HECW1: variants seen among roughly 807,000 people sequenced by gnomAD.
HECW1 encodes E3 ubiquitin-protein ligase HECW1.
Under a neutral mutation model 182.3 loss-of-function variants are expected in HECW1, and 61 were observed. The ratio of observed to expected loss-of-function variants is 0.33; its 90% CI spans 0.27 to 0.41. The LOEUF is 0.41. Ranked by LOEUF, HECW1 falls within the 10% of genes least tolerant of loss-of-function variation. The probability of loss-of-function intolerance (pLI) is 1.00; values close to 1 mark genes in which losing one functional copy is unlikely to be tolerated. For missense variants in HECW1, 1,739 were observed against 2,108.9 expected (o/e 0.82, Z 3.44); for synonymous variants, 859 against 832.6 (o/e 1.03, Z -0.55).
At chr7:43,234,410 G>A (rs980637074) in intron 2 of HECW1, among the ~76,000 whole-genome samples, 4 of 152,154 alleles carry the variant, frequency 2.6e-5, no homozygotes, top group African/African-American at 7.2e-5. Flanking sequence ...AACACAACCC[G>A]GCCCCTTGTG....
chr7:43,143,913 C>A (rs1385759857), intron 2 of HECW1, among the ~76,000 whole-genome samples: 3 of 152,178 alleles, frequency 2.0e-5, no homozygotes, highest in African/African-American at 7.2e-5. Context: ...TAACTCATAA[C>A]CTTCCTGGTC....
At chr7:43,204,350 A>G (rs1007939535) in intron 2 of HECW1, among the ~76,000 whole-genome samples, 6 of 152,212 alleles carry the variant, frequency 3.9e-5, no homozygotes, top group African/African-American at 1.4e-4. Flanking sequence ...TTTGTTCAAG[A>G]AACCCTAAGT....
chr7:43,441,438 A>G (rs973099791), intron 9 of HECW1, among the ~76,000 whole-genome samples: 18 of 152,206 alleles, frequency 1.2e-4, no homozygotes, highest in Non-Finnish European at 2.2e-4. Context: ...CTTAGACATT[A>G]CATATATACC....
intron 6 of HECW1, among the ~76,000 whole-genome samples, chr7:43,377,606 A>T (rs1478375779): frequency 6.6e-6 from 1 of 152,162 alleles, no homozygotes; most frequent in Non-Finnish European, 1.5e-5. Flanking sequence ...AAAAATTAGA[A>T]TCAAATCCTT....
intron 3 of HECW1, among the ~76,000 whole-genome samples, chr7:43,296,311 T>G (rs1431539888): frequency 6.6e-6 from 1 of 152,230 alleles, no homozygotes. Context: ...TTCTGTATTT[T>G]TCAAATTTTT....
intron 7 of HECW1, among the ~76,000 whole-genome samples, 189 bp downstream of exon 7, chr7:43,397,078 G>A (rs1329517502): frequency 6.6e-6 from 1 of 152,198 alleles, no homozygotes; most frequent in African/African-American, 2.4e-5. Context: ...ATAATAGAGA[G>A]TTTAGGAAGT....
intron 12 of HECW1, among the ~76,000 whole-genome samples, chr7:43,454,095 T>G (rs540861521): frequency 6.6e-6 from 1 of 152,302 alleles, no homozygotes; most frequent in African/African-American, 2.4e-5. Context: ...GATGATAAAT[T>G]ATCATTATTG....
At chr7:43,266,905 G>A (rs542807908) in intron 3 of HECW1, among the ~76,000 whole-genome samples, 1 of 152,242 alleles carries the variant, frequency 6.6e-6, no homozygotes, top group South Asian at 2.1e-4. Flanking sequence ...GATTTGAGGA[G>A]GAGAAGTGTT....
intron 2 of HECW1, among the ~76,000 whole-genome samples, chr7:43,135,507 TG>T (rs1787427776): frequency 6.6e-6 from 1 of 152,212 alleles, no homozygotes; most frequent in Non-Finnish European, 1.5e-5. Flanking sequence ...TGTCCATCTC[TG>T]GACTTCTTGC....
At chr7:43,483,324 G>A (rs1002930737) in intron 17 of HECW1, among the ~76,000 whole-genome samples, 11 of 151,912 alleles carry the variant, frequency 7.2e-5, no homozygotes, top group Admixed American at 5.2e-4. Flanking sequence ...TTTTTTTCCT[G>A]ACCCCATCCA....
At chr7:43,526,738 C>T (rs187378461) in intron 24 of HECW1, among the ~76,000 whole-genome samples, 162 of 152,302 alleles carry the variant, frequency 1.1e-3, no homozygotes, top group Admixed American at 1.7e-3. Flanking sequence ...CAGTGGCTCA[C>T]GCCTGTAATC....
chr7:43,144,966 G>A (rs975864902), intron 2 of HECW1, among the ~76,000 whole-genome samples: 2 of 151,944 alleles, frequency 1.3e-5, no homozygotes, highest in African/African-American at 2.4e-5. Context: ...ACAAATCAGT[G>A]GATAATTATA....
chr7:43,378,417 C>T (rs1393746908), intron 6 of HECW1, among the ~76,000 whole-genome samples: 1 of 152,238 alleles, frequency 6.6e-6, no homozygotes, highest in Non-Finnish European at 1.5e-5. Flanking sequence ...CTAGAACAAT[C>T]ATGTGGTTTA....
At chr7:43,319,512 G>A (rs1809790289) in intron 4 of HECW1, among the ~76,000 whole-genome samples, 1 of 148,994 alleles carries the variant, frequency 6.7e-6, no homozygotes, top group Non-Finnish European at 1.5e-5. Context: ...CTCCCTCAGT[G>A]CTCTCCTGAC....
intron 6 of HECW1, among the ~76,000 whole-genome samples, chr7:43,370,888 CTTTT>C (rs779010532): frequency 3.0e-5 from 4 of 135,400 alleles, no homozygotes; most frequent in Admixed American, 7.4e-5. Flanking sequence ...CAATGATATT[CTTTT>C]TTTTTTTTTT....
chr7:43,454,330 G>C (rs1047080797), intron 12 of HECW1, among the ~76,000 whole-genome samples: 8 of 152,106 alleles, frequency 5.3e-5, no homozygotes, highest in Non-Finnish European at 1.0e-4. Flanking sequence ...TTTTTTGTTG[G>C]ATGACAGTCA....
chr7:43,252,625 G>A (rs1800155960), intron 3 of HECW1, among the ~76,000 whole-genome samples: 1 of 152,196 alleles, frequency 6.6e-6, no homozygotes, highest in East Asian at 1.9e-4. Flanking sequence ...CCAATGTACA[G>A]ATGTCATTTG....
rs950767605 is a variant in HECW1 at position 43,246,085 on chromosome 7, C to T, written c.27+2153C>T. On this transcript the variant is annotated intron_variant, in intron 3 of 29. Coordinates refer to ENST00000395891, the MANE Select transcript of HECW1 (RefSeq NM_015052.5). ...AGGCTAAGGCAGGAGGATCACTTGA[C>T]GCCACGAGTATGAGACCAGCCCGAG... Among the ~76,000 whole-genome samples, 17 of 151,818 alleles carry T rather than the reference C, an allele frequency of 1.1e-4. 1 individual carries two copies. In the South Asian group the frequency reaches 2.9e-3, roughly 26 times the overall value.
intron 2 of HECW1, among the ~76,000 whole-genome samples, chr7:43,200,489 G>A (rs931015031): frequency 3.0e-4 from 46 of 152,208 alleles, no homozygotes; most frequent in African/African-American, 9.2e-4. Context: ...TTTCTTCTCT[G>A]TTGGGTAACC....
Sources: allele counts gnomAD v4.1 joint callset (sites outside exome capture counted in the v4.1 genomes callset), GRCh38; gene constraint gnomAD v4.1.1; transcripts MANE v1.5; gene names NCBI Gene and HGNC (gene_info 2026-07-23, HGNC 2026-07-21).